PCDHA11: variants seen among roughly 807,000 people sequenced by gnomAD.
The protein encoded by PCDHA11 is protocadherin alpha 11, also known as protocadherin alpha-11.
A neutral mutation model predicts 70.3 loss-of-function variants in PCDHA11; 61 were observed. The observed-to-expected ratio is 0.87, with a 90% CI of 0.71 to 1.07. The LOEUF (loss-of-function observed/expected upper bound fraction) is 1.07, where lower values mean the gene tolerates loss of function less well. PCDHA11 is among the 50% of genes least tolerant of loss of function. PCDHA11 has a pLI of 0.00. For synonymous variants in PCDHA11, 633 were observed against 555.1 expected (o/e 1.14, Z -1.97); for missense variants, 1,324 against 1,237.5 (o/e 1.07, Z -1.05).
intron 1 of PCDHA11, among the ~76,000 whole-genome samples, chr5:140,897,549 T>C (rs1356591020): frequency 2.6e-5 from 4 of 152,140 alleles, no homozygotes; most frequent in African/African-American, 7.2e-5. Flanking sequence ...TAGTCTTCCA[T>C]GGTGTATATG....
chr5:140,871,358 A>T lies in PCDHA11; in HGVS notation c.2255A>T (p.Gln752Leu). The T allele has an allele frequency of 3.7e-6, 6 of 1,614,208 alleles. No homozygotes were observed. The highest frequency in any genetic ancestry group is 5.1e-6 in the Non-Finnish European group (6 of 1,180,036). The change falls in exon 1 of 4, where the codon CAG (glutamine) becomes CTG (leucine). Residue 752 changes from glutamine to leucine, a missense_variant. Transcript: ENST00000398640. The stretch of plus-strand genomic sequence containing the variant: ...GTGGGGAGCTGGTCATACTCGCAGC[A>T]GAGGCGGCAGAGGGTGTGCTCTGAG... ...RAVGSWSYSQ[Q>L]RRQRVCSEEG... is the part of the protein sequence containing the mutation.
At chr5:140,956,009 CTT>C (rs2095247878) in intron 1 of PCDHA11, among the ~76,000 whole-genome samples, 1 of 152,192 alleles carries the variant, frequency 6.6e-6, no homozygotes, top group Non-Finnish European at 1.5e-5. Flanking sequence ...TATCCTGAGA[CTT>C]TGCTGAAGTT....
At chr5:140,876,577 A>T in intron 1 of PCDHA11, 2 of 1,614,182 alleles carry the variant, frequency 1.2e-6, no homozygotes, top group Non-Finnish European at 1.7e-6. Flanking sequence ...GGGTACCGTC[A>T]TTGCCCTGAT....
intron 1 of PCDHA11, chr5:140,927,020 T>G: frequency 6.2e-7 from 1 of 1,612,524 alleles, no homozygotes; most frequent in Non-Finnish European, 8.5e-7. Flanking sequence ...TCCGCGGACT[T>G]GAGGCTGCCA....
rs542701193 is a variant in PCDHA11 at position 140,931,976 on chromosome 5, A to G, written c.2392-46973A>G. 2.6e-5 allele frequency among the ~76,000 whole-genome samples: 4 copies of G among 152,074 alleles called. No homozygotes were observed. In the East Asian group the frequency reaches 7.7e-4, roughly 29 times the overall value. On this transcript the variant is annotated intron_variant, in intron 1 of 3. Coordinates refer to ENST00000398640, the MANE Select transcript of PCDHA11 (RefSeq NM_018902.5). ...GAATCATGTTGATGCATATGTGTTTATATTTTGCTCAAATTCTAAGTTCTT... is the reference window on the plus strand; with the variant it reads ...GAATCATGTTGATGCATATGTGTTTGTATTTTGCTCAAATTCTAAGTTCTT...
chr5:140,965,193 A>G (rs1232668450), intron 1 of PCDHA11, among the ~76,000 whole-genome samples: 1 of 152,252 alleles, frequency 6.6e-6, no homozygotes, highest in East Asian at 1.9e-4. Flanking sequence ...CACATGAGGC[A>G]ATAGATTTCA....
intron 1 of PCDHA11, among the ~76,000 whole-genome samples, chr5:140,917,700 T>C (rs879971168): frequency 2.0e-5 from 3 of 152,166 alleles, no homozygotes; most frequent in Non-Finnish European, 4.4e-5. Flanking sequence ...GATCAGATAA[T>C]TGTAGGTGTG....
At chr5:140,969,598 T>C in intron 1 of PCDHA11, 1 of 790,872 alleles carries the variant, frequency 1.3e-6, no homozygotes, top group Non-Finnish European at 1.9e-6. Context: ...TAATATTTAA[T>C]GCTAAAACAC....
intron 1 of PCDHA11, among the ~76,000 whole-genome samples, chr5:140,959,036 GTATGT>G (rs2095460948): frequency 6.6e-6 from 1 of 152,032 alleles, no homozygotes; most frequent in African/African-American, 2.4e-5. Flanking sequence ...TCATGGGTAT[GTATGT>G]ATAGGAAAAA....
At chr5:140,872,270 T>G (rs1246364406) in intron 1 of PCDHA11, among the ~76,000 whole-genome samples, 1 of 152,172 alleles carries the variant, frequency 6.6e-6, no homozygotes, top group African/African-American at 2.4e-5. Context: ...TCATATTGTT[T>G]GAAGAAAAAA....
intron 1 of PCDHA11, among the ~76,000 whole-genome samples, chr5:140,899,376 A>G (rs2153463773): frequency 6.6e-6 from 1 of 152,262 alleles, no homozygotes; most frequent in South Asian, 2.1e-4. Flanking sequence ...TCAATACCTA[A>G]TTTATTGAGA....
intron 1 of PCDHA11, chr5:140,967,277 A>G: frequency 6.2e-7 from 1 of 1,613,326 alleles, no homozygotes; most frequent in African/African-American, 1.3e-5. Context: ...TCACATAGAG[A>G]GTGCGCAGGA....
intron 1 of PCDHA11, chr5:140,966,656 G>A: frequency 8.3e-7 from 1 of 1,203,372 alleles, no homozygotes; most frequent in East Asian, 3.0e-5. Flanking sequence ...GTGAGCGGTG[G>A]GGGAGCAGGC....
intron 3 of PCDHA11, among the ~76,000 whole-genome samples, chr5:140,987,981 ACT>A (rs2153869731): frequency 6.6e-6 from 1 of 152,028 alleles, no homozygotes; most frequent in African/African-American, 2.4e-5. Context: ...CTCCATGGAG[ACT>A]CCATCTCTGA....
chr5:140,922,049 T>G (rs1368623726), intron 1 of PCDHA11, among the ~76,000 whole-genome samples: 1 of 152,066 alleles, frequency 6.6e-6, no homozygotes, highest in African/African-American at 2.4e-5. Context: ...CCCACATACC[T>G]TCAAAATGTA....
At chr5:140,872,544 C>T (rs912822292) in intron 1 of PCDHA11, among the ~76,000 whole-genome samples, 1 of 152,126 alleles carries the variant, frequency 6.6e-6, no homozygotes, top group Admixed American at 6.5e-5. Context: ...AGAGGATCCC[C>T]TGAACCCAGG....
chr5:140,880,645 C>A (rs535367313), intron 1 of PCDHA11, among the ~76,000 whole-genome samples: 1 of 152,032 alleles, frequency 6.6e-6, no homozygotes, highest in Admixed American at 6.6e-5. Context: ...CACTTGAGAG[C>A]CCAACTGAGG....
chr5:140,925,330 A>G (rs1459062876), intron 1 of PCDHA11, among the ~76,000 whole-genome samples: 2 of 152,132 alleles, frequency 1.3e-5, no homozygotes, highest in African/African-American at 4.8e-5. Context: ...CCTGTATTAA[A>G]AGAAGGATTT....
At chr5:140,945,190 G>A (rs1372387920) in intron 1 of PCDHA11, among the ~76,000 whole-genome samples, 1 of 152,000 alleles carries the variant, frequency 6.6e-6, no homozygotes, top group Non-Finnish European at 1.5e-5. Flanking sequence ...AGAAAACCAT[G>A]CTATTTACAA....
Sources: allele counts gnomAD v4.1 joint callset (sites outside exome capture counted in the v4.1 genomes callset), GRCh38; gene constraint gnomAD v4.1.1; transcripts MANE v1.5; gene names NCBI Gene and HGNC (gene_info 2026-07-23, HGNC 2026-07-21).